PCDHA3: variants seen among roughly 807,000 people sequenced by gnomAD.
PCDHA3 encodes the protein protocadherin alpha-3.
A neutral mutation model predicts 62.2 loss-of-function variants in PCDHA3; 41 were observed. The ratio of observed to expected loss-of-function variants is 0.66; its 90% CI spans 0.51 to 0.86. PCDHA3 has a LOEUF of 0.86. PCDHA3 is among the 40% of genes least tolerant of loss of function. The pLI is 0.00. For synonymous variants in PCDHA3, 640 were observed against 555.4 expected (o/e 1.15, Z -2.14); for missense variants, 1,304 against 1,241.2 (o/e 1.05, Z -0.76).
At chr5:140,829,937 A>G (rs1770693047) in intron 1 of PCDHA3, 2 of 1,614,002 alleles carry the variant, frequency 1.2e-6, no homozygotes, top group South Asian at 2.2e-5. Context: ...GCCCCCGGCA[A>G]GCAGCGCTCG....
At chr5:140,863,444 G>T in intron 1 of PCDHA3, 4 of 585,532 alleles carry the variant, frequency 6.8e-6, no homozygotes, top group South Asian at 1.4e-5. Flanking sequence ...GGTCTTACTC[G>T]CAGCAAAGGA....
intron 1 of PCDHA3, chr5:140,829,396 G>C (rs2150167101): frequency 1.9e-6 from 3 of 1,614,054 alleles, no homozygotes; most frequent in Non-Finnish European, 2.5e-6. Flanking sequence ...CGCCTTCGCT[G>C]TGGGCCACCG....
chr5:140,978,868 G>C (rs2096826928), intron 1 of PCDHA3, 81 bp from the exon 2 acceptor site: 2 of 1,606,078 alleles, frequency 1.2e-6, no homozygotes, highest in Non-Finnish European at 1.7e-6. Context: ...ATATTTAAGG[G>C]AGTAACTAAT....
rs371368253 is a variant in PCDHA3, at chr5:140,871,153, G to C, written c.2394+67562G>C. 77 of 1,613,298 alleles carry C rather than the reference G, an allele frequency of 4.8e-5. No homozygotes were observed. The African/African-American group carries it at 9.2e-4, about 19-fold the overall frequency. On this transcript the variant is annotated intron_variant, in intron 1 of 3. Transcript: ENST00000522353. ...AAAGGCCTCTTCCCGGACTTTGGCG[G>C]GCGCCGCGAGCCCAGAGGCTGCGCT...
chr5:140,941,259 T>G (rs368206632), intron 1 of PCDHA3, among the ~76,000 whole-genome samples: 1 of 121,734 alleles, frequency 8.2e-6, no homozygotes, highest in Non-Finnish European at 1.8e-5. Flanking sequence ...TTCTTTCTCT[T>G]TCTTTCTTTC....
Position 141,009,626 on chromosome 5 carries a change from G to C in PCDHA3, c.2543-1G>C, listed in dbSNP as rs782621388. The C allele has an allele frequency of 1.9e-6, 3 of 1,612,816 alleles. No individual in the cohort carries two copies. Among genetic ancestry groups the C allele is most frequent in the Non-Finnish European group, 2.5e-6 (3 of 1,179,228 alleles). On this transcript the variant is annotated splice_acceptor_variant, in intron 3 of 3. Transcript: ENST00000522353. LOFTEE classifies it high-confidence loss of function. ...ATGATTTGTAATGTTTTGTCTTTCA[G>C]AACCAGAGGCAGGAGAAGTGTCCCC...
chr5:140,926,704 T>C (rs1481559865), intron 1 of PCDHA3: 7 of 842,670 alleles, frequency 8.3e-6, no homozygotes, highest in Non-Finnish European at 1.2e-5. Context: ...GGCTCCCAGC[T>C]GGCCAGCCCC....
intron 1 of PCDHA3, chr5:140,836,151 G>C: frequency 6.2e-7 from 1 of 1,613,828 alleles, no homozygotes. Context: ...CGCGGGCCAT[G>C]TGGTGGCGAA....
intron 1 of PCDHA3, chr5:140,968,319 TCAC>T: frequency 6.2e-7 from 1 of 1,613,996 alleles, no homozygotes; most frequent in East Asian, 2.2e-5. Flanking sequence ...GGGCTGCCAG[TCAC>T]CTCCTATGTC....
intron 2 of PCDHA3, among the ~76,000 whole-genome samples, chr5:140,979,327 C>T (rs1446940311): frequency 5.9e-5 from 9 of 152,078 alleles, no homozygotes; most frequent in African/African-American, 2.2e-4. Context: ...CTTTCTTTTC[C>T]TCCTTTAAAA....
rs188500854 is a variant in PCDHA3 at position 140,955,348 on chromosome 5, G to C, written c.2395-23601G>C. ...GTAGTTCCCATAATCCCCACATGTT[G>C]TGAGAGGGACCCAGTGGGAGGTAAT... On this transcript the variant is annotated intron_variant, in intron 1 of 3. Coordinates refer to ENST00000522353, the MANE Select transcript of PCDHA3 (RefSeq NM_018906.3). Among the ~76,000 whole-genome samples the C allele has an allele frequency of 1.6e-4, 24 of 152,204 alleles. No individual in the cohort carries two copies. The East Asian group carries it at 2.7e-3, about 17-fold the overall frequency.
Position 140,834,581 on chromosome 5 carries a change from G to A in PCDHA3, c.2394+30990G>A, listed in dbSNP as rs1554134342. On this transcript the variant is annotated intron_variant, in intron 1 of 3. Coordinates refer to ENST00000522353, the MANE Select transcript of PCDHA3 (RefSeq NM_018906.3). The stretch of plus-strand genomic sequence containing the variant: ...AGCTGGTGCCGCGCCTGTTCCGGGC[G>A]GTGTGCAAATTCCGTGGGGATCTTC... The A allele has an allele frequency of 3.1e-6, 5 of 1,614,006 alleles. No individual in the cohort carries two copies. In the East Asian group the frequency reaches 6.7e-5, roughly 22 times the overall value.
intron 1 of PCDHA3, chr5:140,856,974 T>C: frequency 6.3e-7 from 1 of 1,594,506 alleles, no homozygotes; most frequent in African/African-American, 1.3e-5. Context: ...GCTATTGACT[T>C]TGAGGACAGT....
chr5:140,950,896 A>G (rs1023778505), intron 1 of PCDHA3, among the ~76,000 whole-genome samples: 1 of 151,834 alleles, frequency 6.6e-6, no homozygotes, highest in Non-Finnish European at 1.5e-5. Context: ...TCTGAGATTT[A>G]TTTTATTTTT....
intron 3 of PCDHA3, among the ~76,000 whole-genome samples, chr5:141,005,407 T>C (rs2098211600): frequency 1.3e-5 from 2 of 151,168 alleles, no homozygotes; most frequent in Admixed American, 1.3e-4. Context: ...ACTTGAAGAG[T>C]GAGGAGTCAT....
intron 1 of PCDHA3, chr5:140,927,139 C>T: frequency 6.2e-7 from 1 of 1,614,046 alleles, no homozygotes; most frequent in Non-Finnish European, 8.5e-7. Context: ...GCCGGCGGAC[C>T]GCGAACAGCT....
intron 1 of PCDHA3, among the ~76,000 whole-genome samples, chr5:140,906,586 C>G (rs1199094981): frequency 6.6e-6 from 1 of 152,218 alleles, no homozygotes; most frequent in African/African-American, 2.4e-5. Context: ...TGATGACTAC[C>G]TTCCTCTACT....
chr5:140,807,180 C>T (rs782006132), intron 1 of PCDHA3: 1 of 1,611,714 alleles, frequency 6.2e-7, no homozygotes, highest in South Asian at 1.1e-5. Context: ...AAATACTGTG[C>T]ACTAAAGATG....
chr5:140,887,124 T>G (rs1554182893), intron 1 of PCDHA3, among the ~76,000 whole-genome samples: 2 of 151,068 alleles, frequency 1.3e-5, no homozygotes, highest in Admixed American at 6.6e-5. Flanking sequence ...TGAGACGGAG[T>G]CTCACTCTGT....
Sources: gnomAD v4.1 joint callset for allele counts (sites outside exome capture counted in the v4.1 genomes callset) on GRCh38, gnomAD v4.1.1 for gene constraint, MANE v1.5 for transcripts, NCBI Gene and HGNC (gene_info 2026-07-23, HGNC 2026-07-21) for gene names.